TNS1: variants seen among roughly 807,000 people sequenced by gnomAD.
TNS1 encodes the protein tensin 1.
A neutral mutation model predicts 168.6 loss-of-function variants in TNS1; 62 were observed. The observed-to-expected ratio is 0.37, with a 90% confidence interval of 0.30 to 0.45. The LOEUF is 0.45. Ranked by LOEUF, TNS1 falls within the 20% of genes least tolerant of loss-of-function variation. The pLI is 1.00. For missense variants in TNS1, 2,240 were observed against 2,339.4 expected (o/e 0.96, Z 0.88); for synonymous variants, 934 against 933.2 (o/e 1.00, Z -0.02).
At position 217,818,289 on chromosome 2, in the gene TNS1, G is replaced by A; in HGVS notation, c.4043C>T (p.Pro1348Leu). ...CCCTGCTGGGTGCCGACACAGGCTG[G>A]GGCTCCCCGGGGTGGTCGCTGCACT... ...QSSAATTPGSPSLCRHPAGVY... is the reference protein window; with the variant it reads ...QSSAATTPGSLSLCRHPAGVY... The change falls in exon 24 of 33, where the codon CCC becomes CTC. Residue 1348 changes from proline to leucine, a missense_variant. Physicochemically the swap from Pro to Leu is moderately conservative, Grantham distance 98. This residue lies in a region of TNS1 where 2,131 missense variants were observed against 2,171.2 expected (regional missense o/e 0.98). Coordinates refer to ENST00000682258, the MANE Select transcript of TNS1 (RefSeq NM_001387777.1). The A allele has an allele frequency of 6.2e-6, 10 of 1,613,296 alleles. No homozygotes were observed. Among genetic ancestry groups the A allele is most frequent in the Non-Finnish European group, 8.5e-6 (10 of 1,179,630 alleles).
rs3054350 is a variant in TNS1, at chr2:217,909,571, CCA to C, written c.229-2322_229-2321del. On this transcript the variant is annotated intron_variant, in intron 4 of 32. Transcript: ENST00000682258. ...TGTTGACCCACAGGTGCCTGGGTGCCCACACACACACACACACACACACACAC... is the reference window on the plus strand; with the variant it reads ...TGTTGACCCACAGGTGCCTGGGTGCCCACACACACACACACACACACACAC... Among the ~76,000 whole-genome samples the C allele has an allele frequency of 2.2e-3, 321 of 147,172 alleles. 2 individuals carry two copies. The highest frequency in any genetic ancestry group is 5.6e-3 in the South Asian group (25 of 4,430).
At chr2:217,962,880 G>A (rs1210739144) in intron 3 of TNS1, among the ~76,000 whole-genome samples, 1 of 152,176 alleles carries the variant, frequency 6.6e-6, no homozygotes, top group Non-Finnish European at 1.5e-5. Context: ...GCAGTGGTGG[G>A]AACACTGGCC....
At chr2:217,942,962 T>C (rs1029068126) in intron 3 of TNS1, among the ~76,000 whole-genome samples, 4 of 152,172 alleles carry the variant, frequency 2.6e-5, no homozygotes, top group Non-Finnish European at 5.9e-5. Context: ...CAGGCAGTCC[T>C]GGCCCAAGTC....
chr2:217,804,507 G>C lies in TNS1; in HGVS notation c.5472C>G (p.Ile1824Met), dbSNP rs764122955. Residue 1824 changes from isoleucine (I) to methionine (M), a missense_variant, in exon 33 of 33, where the codon ATC becomes ATG. By Grantham distance (10) the Ile-to-Met change is conservative. Coordinates refer to ENST00000682258, the MANE Select transcript of TNS1 (RefSeq NM_001387777.1). ...GCATGACCTTGGAGACGAAGTTGAC[G>C]ATGGCAGAGGCCGGCTGGTTGGGGT... ...ELDPNQPASA[I>M]VNFVSKVMLN... 2 of 1,614,140 alleles carry C rather than the reference G, an allele frequency of 1.2e-6. No individual in the cohort carries two copies. Among genetic ancestry groups the C allele is most frequent in the Middle Eastern group, 1.7e-4 (1 of 6,058 alleles).
chr2:217,883,992 C>T (rs1183967850), intron 16 of TNS1, among the ~76,000 whole-genome samples: 1 of 152,224 alleles, frequency 6.6e-6, no homozygotes, highest in Non-Finnish European at 1.5e-5. Flanking sequence ...TCAGGCAACA[C>T]TTCATAGTAT....
At chr2:217,804,652 C>A in intron 32 of TNS1, 49 bp from the exon 33 acceptor site, 1 of 1,607,994 alleles carries the variant, frequency 6.2e-7, no homozygotes, top group Non-Finnish European at 8.5e-7. Flanking sequence ...AAGTGGAACC[C>A]CAGGAGGTGG....
At chr2:217,959,626 C>T (rs946375588) in intron 3 of TNS1, among the ~76,000 whole-genome samples, 2 of 152,142 alleles carry the variant, frequency 1.3e-5, no homozygotes, top group Non-Finnish European at 2.9e-5. Context: ...AAACCTGGTG[C>T]CTTAGCATGA....
Position 217,830,355 on chromosome 2 carries a change from C to T in TNS1, c.3373+1100G>A, listed in dbSNP as rs778773473. ...CTTCATGGGTCACAAATGCATGCCA[C>T]TGCCCACCTACCTGGCTGGATCCGT... On this transcript the variant is annotated intron_variant, in intron 22 of 32. Coordinates refer to ENST00000682258, the MANE Select transcript of TNS1 (RefSeq NM_001387777.1). The T allele has an allele frequency of 1.1e-5, 18 of 1,614,158 alleles. No homozygotes were observed. The South Asian group carries it at 1.9e-4, about 17-fold the overall frequency.
intron 1 of TNS1, among the ~76,000 whole-genome samples, chr2:218,002,340 G>A (rs1958580552): frequency 6.6e-6 from 1 of 152,108 alleles, no homozygotes; most frequent in African/African-American, 2.4e-5. Flanking sequence ...GGTGTAGAAG[G>A]AATAAAAGGG....
At chr2:218,010,183 T>A in exon 1 of TNS1, 1 of 398,888 alleles carries the variant, frequency 2.5e-6, no homozygotes. Flanking sequence ...AAGCACCAAC[T>A]CAGCCGAGTC....
At position 217,817,939 on chromosome 2, in the gene TNS1, G is replaced by A. The variant is rs1171353105; in HGVS notation, c.4393C>T (p.Pro1465Ser). The A allele has an allele frequency of 1.2e-6, 2 of 1,612,068 alleles. No homozygotes were observed. Among genetic ancestry groups the A allele is most frequent in the East Asian group, 2.2e-5 (1 of 44,788 alleles). ...PSFPVSPAYY[P>S]GLSSPATSPS... is the part of the protein sequence containing the mutation. The stretch of plus-strand genomic sequence containing the variant: ...GAGGTGGCAGGGCTGCTCAGGCCAG[G>A]GTAGTAGGCAGGGGAGACAGGGAAG... Residue 1465 changes from proline to serine, a missense_variant, in exon 24 of 33, where the codon CCT becomes TCT. By Grantham distance (74) the Pro-to-Ser change is moderately conservative (BLOSUM62 -1). Coordinates refer to ENST00000682258, the MANE Select transcript of TNS1 (RefSeq NM_001387777.1).
At chr2:217,853,943 C>T (rs905670595) in intron 18 of TNS1, among the ~76,000 whole-genome samples, 6 of 152,154 alleles carry the variant, frequency 3.9e-5, no homozygotes, top group East Asian at 1.9e-4. Flanking sequence ...TAAAAAAGAA[C>T]GAAGGAAACA....
chr2:217,964,484 C>A (rs1035289848), intron 3 of TNS1, among the ~76,000 whole-genome samples: 4 of 152,210 alleles, frequency 2.6e-5, no homozygotes, highest in South Asian at 4.1e-4. Flanking sequence ...GCTGTGTGAG[C>A]GCACTGCTCA....
intron 16 of TNS1, among the ~76,000 whole-genome samples, 158 bp from the exon 17 acceptor site, chr2:217,882,569 T>G (rs1269193192): frequency 6.6e-6 from 1 of 152,074 alleles, no homozygotes; most frequent in Non-Finnish European, 1.5e-5. Context: ...TGAAATTATA[T>G]CTATACAATG....
At chr2:217,990,692 C>A (rs1958343783) in intron 2 of TNS1, among the ~76,000 whole-genome samples, 1 of 152,248 alleles carries the variant, frequency 6.6e-6, no homozygotes, top group Non-Finnish European at 1.5e-5. Context: ...CACCCATATA[C>A]CTTCTTCATG....
chr2:217,983,179 A>G, intron 2 of TNS1, among the ~76,000 whole-genome samples: 1 of 152,208 alleles, frequency 6.6e-6, no homozygotes, highest in East Asian at 1.9e-4. Context: ...ATTTCTCATC[A>G]GAAGGATGGG....
At chr2:217,920,382 T>C (rs1955592322) in intron 3 of TNS1, 146 bp from the exon 4 acceptor site, 2 of 632,504 alleles carry the variant, frequency 3.2e-6, no homozygotes, top group African/African-American at 1.8e-5. Flanking sequence ...CAGCAGACTA[T>C]GGAGCAACAC....
intron 3 of TNS1, among the ~76,000 whole-genome samples, chr2:217,931,885 G>A (rs1233701470): frequency 2.0e-5 from 3 of 152,152 alleles, no homozygotes; most frequent in Admixed American, 2.0e-4. Context: ...TCCCTATGCT[G>A]CCTGTATCAC....
chr2:217,920,860 T>C (rs553379516), intron 3 of TNS1, among the ~76,000 whole-genome samples: 1 of 152,188 alleles, frequency 6.6e-6, no homozygotes, highest in South Asian at 2.1e-4. Flanking sequence ...GCAGAAGCAC[T>C]CTCTGGGAGT....
Sources: allele counts gnomAD v4.1 joint callset (sites outside exome capture counted in the v4.1 genomes callset), GRCh38; gene constraint gnomAD v4.1.1; regional missense constraint gnomAD v4.1.1; transcripts MANE v1.5; gene names NCBI Gene and HGNC (gene_info 2026-07-23, HGNC 2026-07-21).